E2F5: variants seen among roughly 807,000 people sequenced by gnomAD.
E2F5 encodes the protein transcription factor E2F5.
In E2F5, 23 loss-of-function variants were observed where a neutral mutation model predicts 39.1. The ratio of observed to expected loss-of-function variants is 0.59; its 90% CI spans 0.42 to 0.83. E2F5 has a LOEUF of 0.83. Ranked by LOEUF, E2F5 falls within the 40% of genes least tolerant of loss-of-function variation. The pLI, the probability that E2F5 is intolerant of heterozygous loss-of-function variation, is 0.00. For missense variants in E2F5, 365 were observed against 406.7 expected, an observed-to-expected ratio of 0.90 and a Z score of 0.88; for synonymous variants, 145 against 157.8, an observed-to-expected ratio of 0.92 and a Z score of 0.61.
At position 85,202,275 on chromosome 8, in the gene E2F5, C is replaced by A. The variant is rs774093073; in HGVS notation, c.344+19C>A. ...AGTGGAAGTAAGTTACAAACCAGCA[C>A]CCTCTTCTGAAACCTTTTTTCTTCT... On this transcript the variant is annotated intron_variant, in intron 2 of 7. Transcript: ENST00000416274. 1.3e-6 allele frequency: 2 copies of A among 1,511,766 alleles called. No individual in the cohort carries two copies. Among genetic ancestry groups the A allele is most frequent in the African/African-American group, 1.7e-5 (1 of 57,456 alleles). The allele number at this position is 1,511,766 out of a possible 1,614,324, so 93.6% of individuals were successfully genotyped here. A position where few individuals can be genotyped will look rare whatever the true frequency, so the allele number is the denominator to read the frequency against.
intron 1 of E2F5, among the ~76,000 whole-genome samples, chr8:85,195,031 T>C (rs1042881145): frequency 6.6e-6 from 1 of 151,908 alleles, no homozygotes; most frequent in Non-Finnish European, 1.5e-5. Context: ...AGCTAATAAG[T>C]GGGGTCTACC....
At chr8:85,201,837 A>G in intron 1 of E2F5, 1 of 308,504 alleles carries the variant, frequency 3.2e-6, no homozygotes. Context: ...GGCAATTAGT[A>G]GCTCCTCCTC....
Position 85,214,099 on chromosome 8 carries a change from A to T in E2F5, c.*237A>T, listed in dbSNP as rs1813028072. On this transcript the variant is annotated 3_prime_UTR_variant, in exon 8 of 8. Transcript: ENST00000416274. ...ACAAACGTCCCCACTCCCAAAAGTA[A>T]CTATATTCTGGATTTCAACTTTTCT... The T allele has an allele frequency of 1.7e-6, 1 of 582,042 alleles. No individual in the cohort carries two copies. The allele number at this position is 582,042 out of a possible 1,614,324, so 36.1% of individuals were successfully genotyped here.
At chr8:85,185,438 A>G (rs1330575680) in intron 1 of E2F5, among the ~76,000 whole-genome samples, 1 of 152,250 alleles carries the variant, frequency 6.6e-6, no homozygotes, top group Non-Finnish European at 1.5e-5. Context: ...AATACCATTC[A>G]GGACAAAAGC....
chr8:85,206,370 C>G lies in E2F5; in HGVS notation c.550+150C>G, dbSNP rs1250869542. The G allele has an allele frequency of 1.2e-4, 87 of 715,490 alleles. No individual in the cohort carries two copies. In the East Asian group the frequency reaches 2.3e-3, roughly 19 times the overall value. The allele number at this position is 715,490 out of a possible 1,614,324, so 44.3% of individuals were successfully genotyped here. Reference sequence around the variant, plus strand: ...CACCATGCCGTGTATTGATAGACTGCTTTTGTTTCTGTTTTCATGAGAATA... The same window carrying G: ...CACCATGCCGTGTATTGATAGACTGGTTTTGTTTCTGTTTTCATGAGAATA... On this transcript the variant is annotated intron_variant, in intron 4 of 7. Coordinates refer to ENST00000416274, the MANE Select transcript of E2F5 (RefSeq NM_001951.4).
At chr8:85,180,671 G>A (rs1202184959) in intron 1 of E2F5, among the ~76,000 whole-genome samples, 2 of 139,014 alleles carry the variant, frequency 1.4e-5, no homozygotes, top group Admixed American at 7.5e-5. Flanking sequence ...TCCGCCTCCC[G>A]GGTTCATGCC....
At chr8:85,186,646 T>G (rs1366535282) in intron 1 of E2F5, among the ~76,000 whole-genome samples, 1 of 147,714 alleles carries the variant, frequency 6.8e-6, no homozygotes, top group East Asian at 2.0e-4. Flanking sequence ...ATATGTAAGG[T>G]ATATATGGTG....
At position 85,212,163 on chromosome 8, in the gene E2F5, C is replaced by G. The variant is rs752024109; in HGVS notation, c.890C>G (p.Ser297Cys). 8.1e-6 allele frequency: 13 copies of G among 1,609,342 alleles called. No homozygotes were observed. The highest frequency in any genetic ancestry group is 1.1e-5 in the Non-Finnish European group (13 of 1,177,418). Residue 297 changes from serine (S) to cysteine (C), a missense_variant, in exon 7 of 8, where the codon TCT (serine) becomes TGT (cysteine). Ser to Cys is a moderately radical substitution (Grantham distance 112, BLOSUM62 -1). Coordinates refer to ENST00000416274, the MANE Select transcript of E2F5 (RefSeq NM_001951.4). The part of the protein sequence containing the change: ...TSATDISSAG[S>C]ISGDIIDELM... ...ACTTTATTACTGTTTCCAGCAGGATCTATTAGTGGAGATATCATTGATGAG... is the reference window on the plus strand; with the variant it reads ...ACTTTATTACTGTTTCCAGCAGGATGTATTAGTGGAGATATCATTGATGAG...
rs987134150 is a variant in E2F5 at position 85,195,368 on chromosome 8, G to A, written c.235-6779G>A. 1.6e-4 allele frequency among the ~76,000 whole-genome samples: 25 copies of A among 152,050 alleles called. 1 individual carries two copies. The highest frequency in any genetic ancestry group is 1.4e-3 in the Admixed American group (21 of 15,280). ...ACTGCACTCCAGCTTGAACAGCAGA[G>A]CAAGACTCTGTCTCAAAAAAAAGAA... On this transcript the variant is annotated intron_variant, in intron 1 of 7. Coordinates refer to ENST00000416274, the MANE Select transcript of E2F5 (RefSeq NM_001951.4).
chr8:85,193,768 A>G (rs1205304970), intron 1 of E2F5, among the ~76,000 whole-genome samples: 2 of 152,178 alleles, frequency 1.3e-5, no homozygotes, highest in African/African-American at 4.8e-5. Context: ...TTCACTTGGC[A>G]TGTTTTTGAG....
rs770776043 is a variant in E2F5, at chr8:85,214,282, C to T, written c.*420C>T. The stretch of plus-strand genomic sequence containing the variant: ...CTGTATGTCCTTCTATCCAAACAGA[C>T]GTTCACTGCCACTTGTAAAGTGAAG... On this transcript the variant is annotated 3_prime_UTR_variant, in exon 8 of 8. Transcript: ENST00000416274. The T allele has an allele frequency of 2.3e-5, 13 of 568,260 alleles. No homozygotes were observed. The highest frequency in any genetic ancestry group is 1.1e-4 in the East Asian group (3 of 26,450). The allele number at this position is 568,260 out of a possible 1,614,324, so 35.2% of individuals were successfully genotyped here.
chr8:85,211,551 T>C (rs1490464088), intron 6 of E2F5, among the ~76,000 whole-genome samples: 1 of 151,950 alleles, frequency 6.6e-6, no homozygotes, highest in African/African-American at 2.4e-5. Flanking sequence ...GAAAGTGATG[T>C]TGAAGTTTTA....
At chr8:85,202,089 TGGC>T in intron 1 of E2F5, 55 bp from the exon 2 acceptor site, 2 of 1,401,122 alleles carry the variant, frequency 1.4e-6, no homozygotes, top group Admixed American at 1.9e-5. Context: ...CAACCCTTTT[TGGC>T]TTTAAAATAT....
chr8:85,183,351 C>T lies in E2F5; in HGVS notation c.234+5697C>T, dbSNP rs1051147816. Among the ~76,000 whole-genome samples, 14 of 152,248 alleles carry T rather than the reference C, an allele frequency of 9.2e-5. No homozygotes were observed. In the South Asian group the frequency reaches 2.5e-3, roughly 27 times the overall value. On this transcript the variant is annotated intron_variant, in intron 1 of 7. Coordinates refer to ENST00000416274, the MANE Select transcript of E2F5 (RefSeq NM_001951.4). ...AAGGAGAGATATGTGGGTAGGACAG[C>T]GAGAACTTTAGTGCATGCTTACAAA...
chr8:85,177,187 G>C lies in E2F5; in HGVS notation c.-234G>C, dbSNP rs1297804556. On this transcript the variant is annotated 5_prime_UTR_variant, in exon 1 of 8. Transcript: ENST00000416274. The stretch of plus-strand genomic sequence containing the variant: ...CGTTTCCACCCCTCCCCCCTCGGTC[G>C]TGGGCCTCATTCACGCTTCCCCGGG... 1 of 171,970 alleles carries C rather than the reference G, an allele frequency of 5.8e-6. No individual in the cohort carries two copies. The highest frequency in any genetic ancestry group is 1.2e-5 in the Non-Finnish European group (1 of 86,292). The allele number at this position is 171,970 out of a possible 1,614,324, so 10.7% of individuals were successfully genotyped here. A position where few individuals can be genotyped will look rare whatever the true frequency, so the allele number is the denominator to read the frequency against.
At position 85,177,419 on chromosome 8, in the gene E2F5, C is replaced by A; in HGVS notation, c.-2C>A. 1 of 988,520 alleles carries A rather than the reference C, an allele frequency of 1.0e-6. No individual in the cohort carries two copies. The highest frequency in any genetic ancestry group is 1.2e-6 in the Non-Finnish European group (1 of 833,078). 61.2% of individuals were successfully genotyped at this position (988,520 alleles called of 1,614,324 possible). On this transcript the variant is annotated 5_prime_UTR_variant, in exon 1 of 8. Coordinates refer to ENST00000416274, the MANE Select transcript of E2F5 (RefSeq NM_001951.4). ...GCCCGACCACCGCGGGGCCGGGACGCGATGGCGGCGGCAGAGCCCGCGAGC... is the reference window on the plus strand; with the variant it reads ...GCCCGACCACCGCGGGGCCGGGACGAGATGGCGGCGGCAGAGCCCGCGAGC...
chr8:85,201,827 G>C (rs1352312000), intron 1 of E2F5: 2 of 296,990 alleles, frequency 6.7e-6, no homozygotes, highest in East Asian at 1.0e-4. Context: ...GACATGGATA[G>C]GCAATTAGTA....
intron 1 of E2F5, among the ~76,000 whole-genome samples, chr8:85,181,591 G>A (rs1351796390): frequency 7.0e-6 from 1 of 143,114 alleles, no homozygotes; most frequent in Admixed American, 7.1e-5. Flanking sequence ...CTCCCACCTC[G>A]GCCTCCCAAA....
intron 1 of E2F5, 130 bp downstream of exon 1, chr8:85,177,784 C>T (rs1369739972): frequency 5.2e-6 from 6 of 1,145,686 alleles, no homozygotes; most frequent in Non-Finnish European, 6.4e-6. Context: ...CCGGGCAATC[C>T]GAGGACCATG....
Sources: allele counts gnomAD v4.1 joint callset (sites outside exome capture counted in the v4.1 genomes callset), GRCh38; gene constraint gnomAD v4.1.1; transcripts MANE v1.5; gene names NCBI Gene and HGNC (gene_info 2026-07-23, HGNC 2026-07-21).